Variants in ZFAND3 observed in about 807,000 individuals in gnomAD.
ZFAND3 encodes zinc finger AN1-type containing 3, also known as AN1-type zinc finger protein 3.
In ZFAND3, 10 loss-of-function variants were observed where a neutral mutation model predicts 29.6. The observed-to-expected ratio is 0.34, with a 90% CI of 0.21 to 0.57. The LOEUF (loss-of-function observed/expected upper bound fraction) is 0.57. Ranked by LOEUF, ZFAND3 falls within the 20% of genes least tolerant of loss-of-function variation. ZFAND3 has a pLI of 0.86. For missense variants in ZFAND3, 230 were observed against 304.5 expected, an observed-to-expected ratio of 0.76 and a Z score of 1.82; for synonymous variants, 128 against 112.6, an observed-to-expected ratio of 1.14 and a Z score of -0.87.
At chr6:38,052,135 C>T (rs954757969) in intron 2 of ZFAND3, among the ~76,000 whole-genome samples, 2 of 152,084 alleles carry the variant, frequency 1.3e-5, no homozygotes, top group Non-Finnish European at 1.5e-5. Flanking sequence ...TCTCTTGTTG[C>T]CTGTTTTTGC....
At chr6:37,990,896 G>T (rs979970028) in intron 2 of ZFAND3, among the ~76,000 whole-genome samples, 1 of 152,162 alleles carries the variant, frequency 6.6e-6, no homozygotes, top group Admixed American at 6.5e-5. Context: ...AGTTATAGAC[G>T]TGGAAGTAAG....
At chr6:38,047,999 GTGTT>G (rs746431471) in intron 2 of ZFAND3, among the ~76,000 whole-genome samples, 38 of 146,918 alleles carry the variant, frequency 2.6e-4, no homozygotes, top group African/African-American at 6.5e-4. Flanking sequence ...CTTTTTGTGT[GTGTT>G]TGTTTATTTA....
chr6:38,003,900 C>T, intron 2 of ZFAND3: 2 of 355,418 alleles, frequency 5.6e-6, no homozygotes, highest in South Asian at 2.0e-5. Context: ...TTTGCTCTAA[C>T]CTGCTGCCAT....
chr6:38,121,121 A>G (rs1373087467), intron 5 of ZFAND3, among the ~76,000 whole-genome samples: 2 of 152,204 alleles, frequency 1.3e-5, no homozygotes, highest in Non-Finnish European at 2.9e-5. Flanking sequence ...TAGGAGGCCA[A>G]GGTGGGGGAA....
rs73419999 is a variant in ZFAND3, at chr6:38,099,767, T to C, written c.362-16805T>C. On this transcript the variant is annotated intron_variant, in intron 4 of 5. Transcript: ENST00000287218. The stretch of plus-strand genomic sequence containing the variant: ...GAATATGGGTCCCAAGGTATATATG[T>C]ATTTACTTGAAAAATGTACTGGGTG... 1.5e-3 allele frequency among the ~76,000 whole-genome samples: 233 copies of C among 152,380 alleles called. 1 individual carries two copies. Among genetic ancestry groups the C allele is most frequent in the African/African-American group, 4.7e-3 (195 of 41,588 alleles).
At chr6:37,952,991 T>C (rs1762024451) in intron 2 of ZFAND3, among the ~76,000 whole-genome samples, 1 of 152,150 alleles carries the variant, frequency 6.6e-6, no homozygotes, top group South Asian at 2.1e-4. Context: ...TAGTTTTTTT[T>C]CAATTCTTTT....
chr6:38,154,123 A>G lies in ZFAND3; in HGVS notation c.*1734A>G, dbSNP rs1581966810. 4 of 985,570 alleles carry G rather than the reference A, an allele frequency of 4.1e-6. No individual in the cohort carries two copies. The highest frequency in any genetic ancestry group is 4.8e-6 in the Non-Finnish European group (4 of 829,986). The allele number at this position is 985,570 out of a possible 1,614,324, so 61.1% of individuals were successfully genotyped here. A position where few individuals can be genotyped will look rare whatever the true frequency, so the allele number is the denominator to read the frequency against. On this transcript the variant is annotated 3_prime_UTR_variant, in exon 6 of 6. Transcript: ENST00000287218. ...TAGGGCAACCCAGGGCAGAGGGGCC[A>G]GGTCTGCCCAGCGTTTACCACTGCT...
chr6:37,886,280 A>AAAAAC (rs1561922411), intron 1 of ZFAND3, among the ~76,000 whole-genome samples: 18 of 128,922 alleles, frequency 1.4e-4, no homozygotes, highest in African/African-American at 5.1e-4. Context: ...AAAAAAAAAA[A>AAAAAC]AGTTCAAAGA....
intron 5 of ZFAND3, among the ~76,000 whole-genome samples, chr6:38,123,768 C>T (rs926733618): frequency 6.6e-6 from 1 of 152,036 alleles, no homozygotes; most frequent in African/African-American, 2.4e-5. Context: ...TTTGTTCCTT[C>T]TGATGTTCGG....
intron 1 of ZFAND3, among the ~76,000 whole-genome samples, chr6:37,848,834 T>A (rs1330288274): frequency 1.3e-5 from 2 of 152,212 alleles, no homozygotes; most frequent in Non-Finnish European, 2.9e-5. Context: ...GCTGGTAGTC[T>A]GGTATTATAA....
At chr6:38,129,434 C>A (rs1765701342) in intron 5 of ZFAND3, among the ~76,000 whole-genome samples, 1 of 152,248 alleles carries the variant, frequency 6.6e-6, no homozygotes, top group East Asian at 1.9e-4. Context: ...CCAATGTTAT[C>A]TTTTAGAATT....
intron 2 of ZFAND3, among the ~76,000 whole-genome samples, chr6:38,005,920 G>T (rs1288904751): frequency 6.6e-6 from 1 of 152,096 alleles, no homozygotes; most frequent in African/African-American, 2.4e-5. Context: ...AATAATTCTG[G>T]TCCTTCTCTT....
chr6:38,026,269 G>A (rs1217241519), intron 2 of ZFAND3, among the ~76,000 whole-genome samples: 2 of 151,792 alleles, frequency 1.3e-5, no homozygotes, highest in East Asian at 3.9e-4. Flanking sequence ...CTAGTCCCAA[G>A]GTCCAGAACT....
intron 1 of ZFAND3, among the ~76,000 whole-genome samples, chr6:37,836,500 G>A (rs1214292790): frequency 6.6e-6 from 1 of 152,180 alleles, no homozygotes; most frequent in African/African-American, 2.4e-5. Context: ...ATGCTGCAAA[G>A]AATGGTCAAG....
intron 1 of ZFAND3, among the ~76,000 whole-genome samples, chr6:37,825,690 A>C (rs914808161): frequency 6.6e-6 from 1 of 152,190 alleles, no homozygotes; most frequent in African/African-American, 2.4e-5. Flanking sequence ...ACTTTAAATC[A>C]TACTGAAAAG....
At chr6:38,092,368 T>G (rs1764890612) in intron 4 of ZFAND3, among the ~76,000 whole-genome samples, 1 of 152,178 alleles carries the variant, frequency 6.6e-6, no homozygotes, top group Non-Finnish European at 1.5e-5. Context: ...GCTTACACCA[T>G]AGAGAGAATA....
At chr6:37,922,854 G>C (rs1761408464) in intron 1 of ZFAND3, among the ~76,000 whole-genome samples, 1 of 152,220 alleles carries the variant, frequency 6.6e-6, no homozygotes, top group Non-Finnish European at 1.5e-5. Context: ...GGGTGAGTCA[G>C]TGAATGAGTA....
intron 2 of ZFAND3, among the ~76,000 whole-genome samples, chr6:37,939,867 C>T (rs963768549): frequency 2.2e-4 from 34 of 152,042 alleles, no homozygotes; most frequent in African/African-American, 6.3e-4. Context: ...TGGTGAAACC[C>T]CATCTCTACT....
intron 1 of ZFAND3, among the ~76,000 whole-genome samples, chr6:37,868,236 C>G (rs1461243074): frequency 1.3e-5 from 2 of 152,076 alleles, no homozygotes; most frequent in Non-Finnish European, 2.9e-5. Context: ...ATTCCCTGCC[C>G]TGTAGGAGTG....
Sources: gnomAD v4.1 joint callset for allele counts (sites outside exome capture counted in the v4.1 genomes callset) on GRCh38, gnomAD v4.1.1 for gene constraint, MANE v1.5 for transcripts, NCBI Gene and HGNC (gene_info 2026-07-23, HGNC 2026-07-21) for gene names.